Variants in CDYL observed in about 807,000 individuals in gnomAD.
CDYL encodes chromodomain Y like, also known as chromodomain Y-like protein.
A neutral mutation model predicts 47.3 loss-of-function variants in CDYL; 8 were observed. The ratio of observed to expected loss-of-function variants is 0.17; its 90% confidence interval spans 0.10 to 0.31. The LOEUF (loss-of-function observed/expected upper bound fraction) is 0.31. Ranked by LOEUF, CDYL falls within the 10% of genes least tolerant of loss-of-function variation. CDYL has a pLI of 1.00. For missense variants in CDYL, 471 were observed against 701.4 expected (o/e 0.67, Z 3.71); for synonymous variants, 266 against 265.0 (o/e 1.00, Z -0.04).
In CDYL at chr6:4,892,321, T is replaced by C. The variant is rs375328846; in HGVS notation, c.633T>C (p.Pro211=). 1.2e-6 allele frequency: 2 copies of C among 1,613,834 alleles called. No individual in the cohort carries two copies. The highest frequency in any genetic ancestry group is 1.3e-5 in the African/African-American group (1 of 74,902). The part of the protein sequence containing the change: ...GSRPRIHPLV[P]QVPGPVTAAM... Reference sequence around the variant, plus strand: ...GGCCCAGGATACACCCACTAGTGCCTCAGGTGCCCGGCCCTGTGACTGCAG... The same window carrying C: ...GGCCCAGGATACACCCACTAGTGCCCCAGGTGCCCGGCCCTGTGACTGCAG... The change falls in exon 2 of 7, where the codon CCT becomes CCC. Residue 211 remains proline (P), a synonymous_variant. Transcript: ENST00000397588.
chr6:4,800,645 A>G (rs233475), intron 1 of CDYL, among the ~76,000 whole-genome samples: 3,505 of 152,260 alleles, frequency 0.023, 143 homozygotes, highest in African/African-American at 0.08. Context: ...TTATTTGAAA[A>G]TGCCCTTATT....
intron 1 of CDYL, among the ~76,000 whole-genome samples, chr6:4,857,924 T>A (rs929300590): frequency 6.6e-6 from 1 of 152,216 alleles, no homozygotes; most frequent in Non-Finnish European, 1.5e-5. Context: ...ACCTCTTTGC[T>A]GAAATAGTGA....
rs1561692748 is a variant in CDYL, at chr6:4,895,075, CTA to C, written c.691+2700_691+2701del. Among the ~76,000 whole-genome samples the C allele has an allele frequency of 1.3e-4, 8 of 60,148 alleles. No individual in the cohort carries two copies. In the East Asian group the frequency reaches 3.2e-3, roughly 24 times the overall value. 39.5% of individuals were successfully genotyped at this position (60,148 alleles called of 152,430 possible). A position where few individuals can be genotyped will look rare whatever the true frequency, so the allele number is the denominator to read the frequency against. ...CATGTACATATGGGTATATATGTAT[CTA>C]TATGCACATATATGTACATGTGTGT... On this transcript the variant is annotated intron_variant, in intron 2 of 6. Transcript: ENST00000397588.
Position 4,725,128 on chromosome 6 carries a change from A to C in CDYL, c.103+9247A>C, listed in dbSNP as rs143600862. Among the ~76,000 whole-genome samples the C allele has an allele frequency of 1.6e-3, 238 of 152,310 alleles. 4 individuals carry two copies. In the East Asian group the frequency reaches 0.039, roughly 25 times the overall value. ...CATTCACAAACCCTGAGCTAGACAC[A>C]GGGTTTGTGTCTAGCTGATTGGTGT... On this transcript the variant is annotated intron_variant, in intron 2 of 8. Coordinates refer to the CDYL transcript ENST00000328908.
At chr6:4,917,862 T>G (rs1244998981) in intron 2 of CDYL, among the ~76,000 whole-genome samples, 1 of 152,182 alleles carries the variant, frequency 6.6e-6, no homozygotes, top group African/African-American at 2.4e-5. Flanking sequence ...CTGCCCTCTG[T>G]GAGGTGAACT....
intron 2 of CDYL, among the ~76,000 whole-genome samples, chr6:4,927,275 T>C (rs1168610409): frequency 1.3e-5 from 2 of 152,194 alleles, no homozygotes; most frequent in Non-Finnish European, 2.9e-5. Flanking sequence ...TTTCTAGGAA[T>C]GTACCGATTT....
intron 1 of CDYL, among the ~76,000 whole-genome samples, chr6:4,845,724 T>G (rs1003781658): frequency 6.6e-6 from 1 of 152,242 alleles, no homozygotes; most frequent in Non-Finnish European, 1.5e-5. Context: ...TTATGGAGAC[T>G]GAAATATGAA....
chr6:4,805,084 A>G (rs1303525279), intron 1 of CDYL, among the ~76,000 whole-genome samples: 1 of 152,234 alleles, frequency 6.6e-6, no homozygotes, highest in Non-Finnish European at 1.5e-5. Flanking sequence ...AACAGACTAG[A>G]TGGTGCTTTT....
chr6:4,823,777 A>G (rs1272942448), intron 1 of CDYL, among the ~76,000 whole-genome samples: 1 of 152,226 alleles, frequency 6.6e-6, no homozygotes, highest in African/African-American at 2.4e-5. Flanking sequence ...TGAAATGTAC[A>G]ATTCCATGAT....
chr6:4,858,275 G>A (rs1458542743), intron 1 of CDYL, among the ~76,000 whole-genome samples: 3 of 152,106 alleles, frequency 2.0e-5, no homozygotes, highest in African/African-American at 4.8e-5. Context: ...AGGGAAACTC[G>A]GAAAAATCTA....
intron 5 of CDYL, among the ~76,000 whole-genome samples, chr6:4,947,013 C>T (rs921442654): frequency 6.6e-6 from 1 of 152,174 alleles, no homozygotes; most frequent in Non-Finnish European, 1.5e-5. Flanking sequence ...CAGGAGAGCC[C>T]CCACGTCAGT....
chr6:4,787,953 G>A (rs981786827), intron 1 of CDYL, among the ~76,000 whole-genome samples: 5 of 151,640 alleles, frequency 3.3e-5, no homozygotes, highest in African/African-American at 1.2e-4. Context: ...TGTATTTTTA[G>A]TAGAGACAAG....
chr6:4,932,911 C>T (rs1487486790), intron 2 of CDYL, among the ~76,000 whole-genome samples: 4 of 152,174 alleles, frequency 2.6e-5, no homozygotes, highest in Admixed American at 2.6e-4. Flanking sequence ...TCATTGTGTC[C>T]TGTGGTCTGG....
At chr6:4,755,209 C>T (rs1333669965) in intron 3 of CDYL, among the ~76,000 whole-genome samples, 4 of 151,384 alleles carry the variant, frequency 2.6e-5, no homozygotes, top group African/African-American at 7.3e-5. Flanking sequence ...TACAGGTGCC[C>T]GCCACCATGC....
chr6:4,907,932 C>A (rs1474556203), intron 2 of CDYL, among the ~76,000 whole-genome samples: 1 of 152,124 alleles, frequency 6.6e-6, no homozygotes, highest in Non-Finnish European at 1.5e-5. Context: ...TTAGACAGAA[C>A]CATCAGTTCC....
intron 2 of CDYL, among the ~76,000 whole-genome samples, chr6:4,899,215 C>CA (rs1478825661): frequency 6.6e-6 from 1 of 152,068 alleles, no homozygotes; most frequent in Non-Finnish European, 1.5e-5. Context: ...TTCAGCTAGC[C>CA]AAAAAAGTGT....
intron 2 of CDYL, among the ~76,000 whole-genome samples, chr6:4,906,443 GGAGTGCGGCTGCCTCT>G (rs1757239349): frequency 6.6e-6 from 1 of 152,156 alleles, no homozygotes; most frequent in African/African-American, 2.4e-5. Context: ...CCCTTCTCTG[GGAGTGCGGCTGCCTCT>G]GTACCTGCTT....
chr6:4,841,520 A>T (rs1043831269), intron 1 of CDYL, among the ~76,000 whole-genome samples: 6 of 152,180 alleles, frequency 3.9e-5, no homozygotes, highest in Middle Eastern at 6.8e-3. Context: ...TTTCAGTGTT[A>T]GGCGTTTAAG....
intron 1 of CDYL, among the ~76,000 whole-genome samples, chr6:4,840,034 T>C (rs778558049): frequency 2.6e-5 from 4 of 152,252 alleles, no homozygotes; most frequent in Non-Finnish European, 5.9e-5. Flanking sequence ...ACAATATTGA[T>C]TCTACCTCTC....
Sources: allele counts gnomAD v4.1 joint callset (sites outside exome capture counted in the v4.1 genomes callset), GRCh38; gene constraint gnomAD v4.1.1; transcripts MANE v1.5; gene names NCBI Gene and HGNC (gene_info 2026-07-23, HGNC 2026-07-21).